The following GHR variants were observed in gnomAD, a reference collection of about 807,000 sequenced individuals.
GHR encodes the protein growth hormone receptor.
GHR carries 35 observed loss-of-function variants against 67.1 expected under a neutral mutation model. The observed-to-expected ratio is 0.52, with a 90% CI of 0.40 to 0.69. The LOEUF is 0.69. Ranked by LOEUF, GHR falls within the 30% of genes least tolerant of loss-of-function variation. GHR has a pLI of 0.00. For missense variants in GHR, 792 were observed against 764.6 expected, an observed-to-expected ratio of 1.04 and a Z score of -0.42; for synonymous variants, 272 against 269.1, an observed-to-expected ratio of 1.01 and a Z score of -0.10.
intron 3 of GHR, chr5:42,646,331 G>A: frequency 2.2e-6 from 1 of 454,842 alleles, no homozygotes; most frequent in Non-Finnish European, 4.4e-6. Context: ...TCTCTTTGCA[G>A]GATGGGGTCC....
chr5:42,508,642 C>T (rs915235522), intron 1 of GHR, among the ~76,000 whole-genome samples: 3 of 152,292 alleles, frequency 2.0e-5, no homozygotes, highest in East Asian at 1.9e-4. Flanking sequence ...GGCACGATCT[C>T]GGCTCACTGC....
intron 3 of GHR, among the ~76,000 whole-genome samples, chr5:42,673,278 G>GA (rs1432719294): frequency 1.3e-5 from 2 of 151,972 alleles, no homozygotes; most frequent in South Asian, 2.1e-4. Context: ...CAAGGCTGCA[G>GA]AAAAAAAAGT....
intron 2 of GHR, among the ~76,000 whole-genome samples, chr5:42,609,215 G>A (rs1466104237): frequency 6.6e-6 from 1 of 152,162 alleles, no homozygotes; most frequent in Non-Finnish European, 1.5e-5. Context: ...AGTGGGAGAG[G>A]AGCAATATTA....
intron 2 of GHR, among the ~76,000 whole-genome samples, chr5:42,592,511 G>A (rs923149213): frequency 5.9e-5 from 9 of 152,194 alleles, no homozygotes; most frequent in East Asian, 1.9e-4. Flanking sequence ...ATGAGAACAC[G>A]CAGTGTTTAG....
intron 7 of GHR, 135 bp downstream of exon 7, chr5:42,711,507 G>A (rs2111819731): frequency 2.8e-6 from 2 of 718,258 alleles, no homozygotes. Context: ...GAGACCTTGA[G>A]CTCACTATCT....
At position 42,695,008 on chromosome 5, in the gene GHR, T is replaced by C; in HGVS notation, c.358T>C (p.Ser120Pro). Reference sequence around the variant, plus strand: ...CTGTTACTTTAATTCATCGTTTACCTCCATCTGGATACCTTATTGTATCAA... The same window carrying C: ...CTGTTACTTTAATTCATCGTTTACCCCCATCTGGATACCTTATTGTATCAA... Reference protein sequence around the residue: ...NSCYFNSSFTSIWIPYCIKLT... With the variant: ...NSCYFNSSFTPIWIPYCIKLT... The change falls in exon 5 of 10, where the codon TCC (serine) becomes CCC (proline). Residue 120 changes from serine (S) to proline (P), a missense_variant. Ser to Pro is a moderately conservative substitution (Grantham distance 74, BLOSUM62 -1). Transcript: ENST00000230882. 6.2e-7 allele frequency: 1 copy of C among 1,608,382 alleles called. No homozygotes were observed. Among genetic ancestry groups the C allele is most frequent in the Non-Finnish European group, 8.5e-7 (1 of 1,174,822 alleles).
intron 1 of GHR, among the ~76,000 whole-genome samples, chr5:42,535,898 A>T (rs533075905): frequency 8.6e-5 from 13 of 151,838 alleles, no homozygotes; most frequent in Non-Finnish European, 1.8e-4. Flanking sequence ...ATTCCTAAGT[A>T]TTTTATTTTT....
At chr5:42,577,701 A>C (rs1736939133) in intron 2 of GHR, among the ~76,000 whole-genome samples, 1 of 152,234 alleles carries the variant, frequency 6.6e-6, no homozygotes, top group South Asian at 2.1e-4. Flanking sequence ...ATTTTGTAAA[A>C]GAGTTCAGAC....
rs71608649 is a variant in GHR, at chr5:42,464,055, C to CAAA, written c.-12+40113_-12+40115dup. On this transcript the variant is annotated intron_variant, in intron 1 of 9. Transcript: ENST00000230882. ...TTTAGTGTTACCTTGTTGATATTAC[C>CAAA]AAAAAAAAAAAAAAAGTGCTCAGAG... Among the ~76,000 whole-genome samples, 168 of 123,830 alleles carry CAAA rather than the reference C, an allele frequency of 1.4e-3. 1 individual carries two copies. Among genetic ancestry groups the CAAA allele is most frequent in the African/African-American group, 3.1e-3 (105 of 33,616 alleles). 81.2% of individuals were successfully genotyped at this position (123,830 alleles called of 152,430 possible). A position where few individuals can be genotyped will look rare whatever the true frequency, so the allele number is the denominator to read the frequency against.
chr5:42,628,278 C>T (rs1419411409), intron 2 of GHR, among the ~76,000 whole-genome samples: 1 of 151,340 alleles, frequency 6.6e-6, no homozygotes, highest in Non-Finnish European at 1.5e-5. Context: ...AACGGAAATG[C>T]CTGTTCCCAT....
At chr5:42,459,180 G>A (rs1311351224) in intron 1 of GHR, among the ~76,000 whole-genome samples, 3 of 152,030 alleles carry the variant, frequency 2.0e-5, no homozygotes, top group South Asian at 2.1e-4. Flanking sequence ...AATATAAATC[G>A]TTTTACCATA....
chr5:42,573,280 G>C (rs1750437812), intron 2 of GHR, among the ~76,000 whole-genome samples: 1 of 152,134 alleles, frequency 6.6e-6, no homozygotes, highest in Non-Finnish European at 1.5e-5. Context: ...TATAGTGGGA[G>C]GGGTCTAGAA....
chr5:42,425,737 C>G (rs1033389154), intron 1 of GHR, among the ~76,000 whole-genome samples: 1 of 152,112 alleles, frequency 6.6e-6, no homozygotes, highest in Admixed American at 6.5e-5. Context: ...GAGGTTGTCC[C>G]GTCTCTCATC....
In GHR at chr5:42,424,305, A is replaced by C; in HGVS notation, c.-12+350A>C. On this transcript the variant is annotated intron_variant, in intron 1 of 9. Transcript: ENST00000230882. This position sits in a 1 kb window ranked among gnomAD's most constrained non-coding sequence, Gnocchi z 4.1. Reference sequence around the variant, plus strand: ...GTCTGCTCTGGCCCGCGAGTAGTGTACGTGGAGGGGTTTACTCCGGAGACA... The same window carrying C: ...GTCTGCTCTGGCCCGCGAGTAGTGTCCGTGGAGGGGTTTACTCCGGAGACA... 2.0e-6 allele frequency: 1 copy of C among 499,836 alleles called. No homozygotes were observed. The highest frequency in any genetic ancestry group is 3.6e-6 in the Non-Finnish European group (1 of 274,706). 31.0% of individuals were successfully genotyped at this position (499,836 alleles called of 1,614,324 possible).
chr5:42,454,005 T>G (rs548750162), intron 1 of GHR, among the ~76,000 whole-genome samples: 2 of 152,338 alleles, frequency 1.3e-5, no homozygotes, highest in South Asian at 4.1e-4. Flanking sequence ...TGATGTGGTG[T>G]TCTCCTCTTT....
chr5:42,487,489 C>G (rs1368442380), intron 1 of GHR, among the ~76,000 whole-genome samples: 1 of 152,136 alleles, frequency 6.6e-6, no homozygotes, highest in Non-Finnish European at 1.5e-5. Context: ...CACGTTTCAT[C>G]AGTAGGATTA....
At chr5:42,594,552 TTTC>T (rs1751964320) in intron 2 of GHR, among the ~76,000 whole-genome samples, 1 of 152,214 alleles carries the variant, frequency 6.6e-6, no homozygotes, top group Non-Finnish European at 1.5e-5. Flanking sequence ...AAGCTGACCT[TTTC>T]TTCCTAGCCA....
chr5:42,635,372 A>G (rs1754125899), intron 3 of GHR, among the ~76,000 whole-genome samples: 1 of 152,222 alleles, frequency 6.6e-6, no homozygotes, highest in Non-Finnish European at 1.5e-5. Context: ...AAACAGCTTA[A>G]GTCTCTTAAC....
intron 1 of GHR, among the ~76,000 whole-genome samples, chr5:42,553,725 C>G (rs1164298361): frequency 6.6e-6 from 1 of 152,154 alleles, no homozygotes; most frequent in African/African-American, 2.4e-5. Context: ...TGCGGGGGAT[C>G]TTTTAGCATT....
Sources: gnomAD v4.1 joint callset for allele counts (sites outside exome capture counted in the v4.1 genomes callset) on GRCh38, gnomAD v4.1.1 for gene constraint, Gnocchi (gnomAD v3.1) non-coding constraint, MANE v1.5 for transcripts, NCBI Gene and HGNC (gene_info 2026-07-23, HGNC 2026-07-21) for gene names.